The following LRP1B variants were observed in gnomAD, a reference collection of about 807,000 sequenced individuals.
LRP1B encodes LDL receptor related protein 1B, also known as low-density lipoprotein receptor-related protein 1B.
Under a neutral mutation model 556.6 loss-of-function variants are expected in LRP1B, and 217 were observed. The ratio of observed to expected loss-of-function variants is 0.39; its 90% CI spans 0.35 to 0.44. LRP1B has a LOEUF of 0.44. LRP1B is among the 20% of genes least tolerant of loss of function. LRP1B has a pLI of 1.00. For missense variants in LRP1B, 5,053 were observed against 5,620.8 expected (o/e 0.90, Z 3.23); for synonymous variants, 2,047 against 1,865.8 (o/e 1.10, Z -2.50).
chr2:140,338,880 C>T (rs542374286), intron 77 of LRP1B, among the ~76,000 whole-genome samples: 1 of 151,720 alleles, frequency 6.6e-6, no homozygotes, highest in South Asian at 2.1e-4. Context: ...TCACTTGCCC[C>T]ATTGGCTAGC....
At chr2:140,829,973 C>A (rs533307073) in intron 31 of LRP1B, among the ~76,000 whole-genome samples, 23 of 151,912 alleles carry the variant, frequency 1.5e-4, no homozygotes, top group African/African-American at 5.5e-4. Context: ...GGGACTATTA[C>A]GAACAACTAA....
At chr2:140,300,012 G>T (rs566993145) in intron 83 of LRP1B, among the ~76,000 whole-genome samples, 1 of 151,808 alleles carries the variant, frequency 6.6e-6, no homozygotes, top group Non-Finnish European at 1.5e-5. Flanking sequence ...AGAAACAAAC[G>T]GTACCTGCTG....
intron 79 of LRP1B, among the ~76,000 whole-genome samples, chr2:140,330,531 T>C (rs11692053): frequency 0.035 from 5,285 of 152,164 alleles, 146 homozygotes; most frequent in Non-Finnish European, 0.052. Context: ...TGCAGAAAAT[T>C]GAAACTGGAC....
chr2:141,898,605 A>G (rs575557520), intron 1 of LRP1B, among the ~76,000 whole-genome samples: 1 of 152,298 alleles, frequency 6.6e-6, no homozygotes, highest in Admixed American at 6.5e-5. Context: ...TCACATTAAA[A>G]GTACTTCACA....
At chr2:141,634,056 A>G (rs1228231559) in intron 2 of LRP1B, among the ~76,000 whole-genome samples, 1 of 151,860 alleles carries the variant, frequency 6.6e-6, no homozygotes, top group Admixed American at 6.6e-5. Flanking sequence ...TTCAATTTTA[A>G]CTTAGTCTCA....
At position 140,650,214 on chromosome 2, in the gene LRP1B, T is replaced by C. The variant is rs550689962; in HGVS notation, c.6800-48575A>G. Among the ~76,000 whole-genome samples, 28 of 151,168 alleles carry C rather than the reference T, an allele frequency of 1.9e-4. No individual in the cohort carries two copies. The South Asian group carries it at 5.2e-3, about 28-fold the overall frequency. On this transcript the variant is annotated intron_variant, in intron 41 of 90. Coordinates refer to ENST00000389484, the MANE Select transcript of LRP1B (RefSeq NM_018557.3). Reference sequence around the variant, plus strand: ...TTTGAATGTTTTACTTTTTCTAATATAAAAAAAAGGCAGAGGTTAATCAGA... The same window carrying C: ...TTTGAATGTTTTACTTTTTCTAATACAAAAAAAAGGCAGAGGTTAATCAGA...
At chr2:141,809,286 A>C (rs1696260906) in intron 2 of LRP1B, among the ~76,000 whole-genome samples, 1 of 152,172 alleles carries the variant, frequency 6.6e-6, no homozygotes, top group Non-Finnish European at 1.5e-5. Flanking sequence ...TTTTCTTCAA[A>C]ACTGTCTGCA....
intron 35 of LRP1B, among the ~76,000 whole-genome samples, chr2:140,733,984 G>A (rs1024629459): frequency 1.1e-4 from 17 of 152,130 alleles, no homozygotes; most frequent in Non-Finnish European, 1.5e-4. Flanking sequence ...CAGGCCCTGG[G>A]AATACTCCTG....
intron 86 of LRP1B, among the ~76,000 whole-genome samples, chr2:140,257,065 T>C (rs1681726821): frequency 6.6e-6 from 1 of 152,120 alleles, no homozygotes; most frequent in East Asian, 1.9e-4. Flanking sequence ...CAGCAATTAT[T>C]AATCTATTTT....
chr2:141,982,005 A>G (rs1363061208), intron 1 of LRP1B, among the ~76,000 whole-genome samples: 3 of 152,162 alleles, frequency 2.0e-5, no homozygotes, highest in Admixed American at 2.0e-4. Flanking sequence ...TCACCTTTCC[A>G]ATCACCAGAA....
intron 1 of LRP1B, among the ~76,000 whole-genome samples, chr2:142,062,833 G>A (rs1704971117): frequency 1.3e-5 from 2 of 151,570 alleles, no homozygotes; most frequent in African/African-American, 4.8e-5. Context: ...CTTTCAACAT[G>A]AACTTTTATT....
chr2:141,074,690 C>T (rs1183724732), intron 7 of LRP1B, among the ~76,000 whole-genome samples: 4 of 150,152 alleles, frequency 2.7e-5, no homozygotes, highest in Admixed American at 6.7e-5. Context: ...TAAATTTCCT[C>T]ATATGGGAAT....
rs760896672 is a variant in LRP1B at position 140,509,879 on chromosome 2, G to A, written c.8398+49C>T. The A allele has an allele frequency of 5.7e-6, 9 of 1,583,352 alleles. No homozygotes were observed. The South Asian group carries it at 8.1e-5, about 14-fold the overall frequency. On this transcript the variant is annotated intron_variant, in intron 52 of 90. Coordinates refer to ENST00000389484, the MANE Select transcript of LRP1B (RefSeq NM_018557.3). ...AATACTACAAAAACAAATAACCAAG[G>A]ATGCTGCAACAGTTTTCTTTGACAT...
At chr2:140,616,532 C>A in intron 41 of LRP1B, among the ~76,000 whole-genome samples, 1 of 139,776 alleles carries the variant, frequency 7.2e-6, no homozygotes, top group East Asian at 2.1e-4. Flanking sequence ...AAGTCAGTTT[C>A]TAAATGATAA....
chr2:140,574,662 C>A (rs932877501), intron 43 of LRP1B, among the ~76,000 whole-genome samples: 1 of 152,144 alleles, frequency 6.6e-6, no homozygotes, highest in Non-Finnish European at 1.5e-5. Flanking sequence ...AAAAAATAAG[C>A]AGCTATAATT....
chr2:141,446,851 C>T (rs1269820017), intron 3 of LRP1B, among the ~76,000 whole-genome samples: 1 of 152,078 alleles, frequency 6.6e-6, no homozygotes, highest in Non-Finnish European at 1.5e-5. Context: ...AATGTTTTTT[C>T]CTTCATTTCA....
At chr2:140,378,382 A>C in intron 67 of LRP1B, 96 bp from the exon 68 acceptor site, 1 of 647,258 alleles carries the variant, frequency 1.5e-6, no homozygotes, top group Non-Finnish European at 2.7e-6. Context: ...TAAAGAAAAA[A>C]AAAGAGGTTA....
intron 43 of LRP1B, among the ~76,000 whole-genome samples, chr2:140,585,613 A>G (rs534447217): frequency 3.3e-5 from 5 of 152,318 alleles, no homozygotes; most frequent in African/African-American, 1.2e-4. Flanking sequence ...TAATTGCTCA[A>G]GATCACACAG....
chr2:141,560,920 T>A (rs867489237), intron 2 of LRP1B, among the ~76,000 whole-genome samples: 1 of 151,732 alleles, frequency 6.6e-6, no homozygotes, highest in Middle Eastern at 3.4e-3. Flanking sequence ...TCGTGGAACA[T>A]GCAAGATTCC....
Sources: allele counts gnomAD v4.1 joint callset (sites outside exome capture counted in the v4.1 genomes callset), GRCh38; gene constraint gnomAD v4.1.1; transcripts MANE v1.5; gene names NCBI Gene and HGNC (gene_info 2026-07-23, HGNC 2026-07-21).